NEBL: variants seen among roughly 807,000 people sequenced by gnomAD.
NEBL encodes LIM and SH3 protein 2.
In NEBL, 122 loss-of-function variants were observed where a neutral mutation model predicts 140.2. That is an observed-to-expected ratio of 0.87 (90% CI 0.75 to 1.01). The LOEUF (loss-of-function observed/expected upper bound fraction) is 1.01, where lower values mean the gene tolerates loss of function less well. NEBL is among the 50% of genes least tolerant of loss of function. NEBL has a pLI of 0.00. For synonymous variants in NEBL, 436 were observed against 398.9 expected, an observed-to-expected ratio of 1.09 and a Z score of -1.11; for missense variants, 1,365 against 1,231.3, an observed-to-expected ratio of 1.11 and a Z score of -1.62.
chr10:21,085,753 T>G (rs1345198560), intron 2 of NEBL, among the ~76,000 whole-genome samples: 2 of 152,194 alleles, frequency 1.3e-5, no homozygotes, highest in Admixed American at 1.3e-4. Context: ...AAAGTAAAGT[T>G]TTGTTCTAAT....
At chr10:21,146,284 C>A in intron 2 of NEBL, 1 of 1,376,298 alleles carries the variant, frequency 7.3e-7, no homozygotes, top group Non-Finnish European at 1.0e-6. Context: ...TACATCACCA[C>A]GTGGCCCTGT....
intron 3 of NEBL, among the ~76,000 whole-genome samples, chr10:21,214,485 G>GCACACA (rs1298822911): frequency 7.0e-6 from 1 of 142,916 alleles, no homozygotes; most frequent in Non-Finnish European, 1.6e-5. Context: ...GCACACACAC[G>GCACACA]CGCACATTAC....
intron 3 of NEBL, among the ~76,000 whole-genome samples, chr10:21,194,801 G>GT (rs1439925392): frequency 1.3e-5 from 2 of 151,044 alleles, no homozygotes; most frequent in Non-Finnish European, 2.9e-5. Flanking sequence ...GCTACCCCTC[G>GT]CCCCGCCGCC....
intron 2 of NEBL, among the ~76,000 whole-genome samples, chr10:21,049,977 C>G (rs1834699724): frequency 6.6e-6 from 1 of 152,084 alleles, no homozygotes; most frequent in African/African-American, 2.4e-5. Flanking sequence ...CCCAGGAAAC[C>G]AAAGTGAACA....
intron 26 of NEBL, among the ~76,000 whole-genome samples, chr10:20,801,587 T>C (rs187116971): frequency 2.3e-4 from 35 of 152,246 alleles, no homozygotes; most frequent in African/African-American, 6.3e-4. Flanking sequence ...CCTAACAGAA[T>C]GTGAGCTCTC....
chr10:20,869,590 A>C (rs1206106462), intron 6 of NEBL, 150 bp downstream of exon 6: 2 of 674,984 alleles, frequency 3.0e-6, no homozygotes, highest in Admixed American at 4.5e-5. Flanking sequence ...AACATAATAA[A>C]ATAGATAATT....
chr10:21,077,072 A>G (rs1197828244), intron 2 of NEBL, among the ~76,000 whole-genome samples: 1 of 152,228 alleles, frequency 6.6e-6, no homozygotes, highest in Non-Finnish European at 1.5e-5. Flanking sequence ...ATATCTTACC[A>G]CAATTTAAAA....
chr10:20,905,328 T>A (rs940575079), intron 4 of NEBL, among the ~76,000 whole-genome samples: 2 of 152,212 alleles, frequency 1.3e-5, no homozygotes, highest in Admixed American at 1.3e-4. Context: ...CTGGGTAATT[T>A]ATAAATAAAA....
chr10:21,054,205 T>C (rs766081772), intron 2 of NEBL, among the ~76,000 whole-genome samples: 1 of 152,194 alleles, frequency 6.6e-6, no homozygotes. Context: ...AGTAGAAAGG[T>C]GGTTTGGGGT....
At position 20,918,846 on chromosome 10, in the gene NEBL, G is replaced by T. The variant is rs778825559; in HGVS notation, c.357+42826C>A. 2.0e-5 allele frequency among the ~76,000 whole-genome samples: 3 copies of T among 151,550 alleles called. No homozygotes were observed. In the South Asian group the frequency reaches 6.2e-4, roughly 32 times the overall value. ...AGCCTGGGTGACAGAGCGAGACTCC[G>T]CCTCAAAAAAATAAATTAAATAAAT... is the stretch of plus-strand genomic sequence containing the variant. On this transcript the variant is annotated intron_variant, in intron 4 of 6. Transcript: ENST00000417816.
chr10:21,112,740 A>G (rs1160615102), intron 2 of NEBL: 1 of 126,064 alleles, frequency 7.9e-6, no homozygotes, highest in Non-Finnish European at 1.5e-5. Context: ...TTAAAGTATA[A>G]TAAAAAAAAA....
chr10:21,249,339 A>C (rs1842558604), intron 2 of NEBL, among the ~76,000 whole-genome samples: 1 of 152,192 alleles, frequency 6.6e-6, no homozygotes, highest in Admixed American at 6.5e-5. Context: ...ATATTTACAA[A>C]TCTGCTGATA....
At chr10:21,009,030 A>C (rs116839937) in intron 3 of NEBL, among the ~76,000 whole-genome samples, 4,269 of 152,144 alleles carry the variant, frequency 0.028, 204 homozygotes, top group African/African-American at 0.098. Context: ...GAATAAAAAG[A>C]TTCAAAGCCT....
At chr10:21,267,374 A>G (rs1842809242) in intron 1 of NEBL, among the ~76,000 whole-genome samples, 1 of 152,044 alleles carries the variant, frequency 6.6e-6, no homozygotes, top group Non-Finnish European at 1.5e-5. Flanking sequence ...TCGGCCTCCC[A>G]AAGTGCTGGG....
In NEBL at chr10:21,291,253, C is replaced by G. The variant is rs190041752; in HGVS notation, n.182+1577G>C. ...AGGCGCAGTGGCTCACACCTATAAT[C>G]CCATCACTTTAGGAGGCCAAGGCAG... On this transcript the variant is annotated intron_variant and non_coding_transcript_variant, in intron 1 of 8. Transcript: ENST00000675702. Among the ~76,000 whole-genome samples, 172 of 152,144 alleles carry G rather than the reference C, an allele frequency of 1.1e-3. 1 individual carries two copies. The South Asian group carries it at 0.013, about 11-fold the overall frequency.
chr10:21,026,536 T>C (rs1833506463), intron 2 of NEBL, among the ~76,000 whole-genome samples: 1 of 152,238 alleles, frequency 6.6e-6, no homozygotes, highest in South Asian at 2.1e-4. Context: ...TTTTGCCATA[T>C]TCTAAATCGA....
intron 4 of NEBL, among the ~76,000 whole-genome samples, chr10:20,930,147 C>G (rs1207905959): frequency 6.6e-6 from 1 of 152,116 alleles, no homozygotes; most frequent in Non-Finnish European, 1.5e-5. Flanking sequence ...ATGTCCACAT[C>G]CAACCAAAAT....
chr10:21,127,819 A>G (rs1424037766), intron 2 of NEBL, among the ~76,000 whole-genome samples: 1 of 152,358 alleles, frequency 6.6e-6, no homozygotes, highest in South Asian at 2.1e-4. Flanking sequence ...AATTGAATAA[A>G]TGTACTTAAT....
At chr10:21,208,614 AGG>A (rs1401519336) in intron 3 of NEBL, among the ~76,000 whole-genome samples, 1 of 152,202 alleles carries the variant, frequency 6.6e-6, no homozygotes, top group African/African-American at 2.4e-5. Context: ...ATGAAATGAG[AGG>A]GATCTACTTC....
Sources: allele counts gnomAD v4.1 joint callset (sites outside exome capture counted in the v4.1 genomes callset), GRCh38; gene constraint gnomAD v4.1.1; transcripts MANE v1.5; gene names NCBI Gene and HGNC (gene_info 2026-07-23, HGNC 2026-07-21).